The following ADGRL2 variants were observed in gnomAD, a reference collection of about 807,000 sequenced individuals.
ADGRL2 encodes the protein adhesion G protein-coupled receptor L2.
ADGRL2 carries 44 observed loss-of-function variants against 157.4 expected under a neutral mutation model. That is an observed-to-expected ratio of 0.28 (90% confidence interval 0.22 to 0.36). The LOEUF is 0.36. Ranked by LOEUF, ADGRL2 falls within the 10% of genes least tolerant of loss-of-function variation. The pLI is 1.00. For synonymous variants in ADGRL2, 585 were observed against 624.7 expected, an observed-to-expected ratio of 0.94 and a Z score of 0.95; for missense variants, 1,510 against 1,768.9, an observed-to-expected ratio of 0.85 and a Z score of 2.63.
At position 81,722,798 on chromosome 1, in the gene ADGRL2, C is replaced by A. The variant is rs2084378561; in HGVS notation, c.-143+22990C>A. The A allele has an allele frequency of 2.2e-5, 16 of 731,192 alleles. 2 individuals are homozygous for A. In the South Asian group the frequency reaches 2.3e-4, roughly 11 times the overall value. 45.3% of individuals were successfully genotyped at this position (731,192 alleles called of 1,614,324 possible). A position where few individuals can be genotyped will look rare whatever the true frequency, so the allele number is the denominator to read the frequency against. On this transcript the variant is annotated intron_variant, in intron 1 of 20. Transcript: ENST00000359929. The stretch of plus-strand genomic sequence containing the variant: ...GCCCGGAGGGAGGAAGAAGCCAGAC[C>A]ACAGTCAGAAGCTCACTATGGCTCT...
At chr1:81,311,312 C>G (rs964197898) in intron 1 of ADGRL2, among the ~76,000 whole-genome samples, 3 of 152,134 alleles carry the variant, frequency 2.0e-5, no homozygotes, top group African/African-American at 7.2e-5. Context: ...AAAAATTAAT[C>G]AAGTGCCCTT....
At chr1:81,724,642 A>G (rs924668720) in intron 1 of ADGRL2, among the ~76,000 whole-genome samples, 4 of 152,166 alleles carry the variant, frequency 2.6e-5, no homozygotes, top group African/African-American at 9.7e-5. Context: ...TGACATTGCT[A>G]TGTTTCTAAC....
intron 2 of ADGRL2, among the ~76,000 whole-genome samples, chr1:81,871,585 C>T (rs1246114015): frequency 6.6e-6 from 1 of 152,156 alleles, no homozygotes. Flanking sequence ...TCCACATCCT[C>T]TCCAGCACCT....
intron 1 of ADGRL2, among the ~76,000 whole-genome samples, chr1:81,393,819 T>G (rs1570828827): frequency 4.5e-4 from 1 of 2,218 alleles, no homozygotes. Flanking sequence ...ATTGCCTTGC[T>G]TTTTTTTTTT....
At chr1:81,980,460 T>C (rs1053934970) in intron 18 of ADGRL2, among the ~76,000 whole-genome samples, 1 of 151,736 alleles carries the variant, frequency 6.6e-6, no homozygotes, top group African/African-American at 2.4e-5. Flanking sequence ...ATTCTGTCAA[T>C]GGAGAAAATG....
intron 3 of ADGRL2, among the ~76,000 whole-genome samples, chr1:81,930,223 A>G (rs2095199412): frequency 6.6e-6 from 1 of 152,196 alleles, no homozygotes. Context: ...GAACATATTA[A>G]TAGTTTGTTT....
chr1:81,315,821 C>T (rs1488911221), intron 1 of ADGRL2, among the ~76,000 whole-genome samples: 1 of 151,628 alleles, frequency 6.6e-6, no homozygotes, highest in Non-Finnish European at 1.5e-5. Context: ...CTGAAAGTAA[C>T]TTGAATAAAT....
At chr1:81,408,153 G>A (rs4650540) in intron 1 of ADGRL2, among the ~76,000 whole-genome samples, 1 of 151,912 alleles carries the variant, frequency 6.6e-6, no homozygotes, top group Non-Finnish European at 1.5e-5. Context: ...AAGCATTAGG[G>A]ATAGCTTGCT....
intron 2 of ADGRL2, among the ~76,000 whole-genome samples, chr1:81,465,581 A>T (rs1249752970): frequency 6.6e-6 from 1 of 152,074 alleles, no homozygotes; most frequent in Non-Finnish European, 1.5e-5. Flanking sequence ...TCATAGTACA[A>T]AGTAATATTA....
chr1:81,943,493 A>G lies in ADGRL2; in HGVS notation c.934A>G (p.Lys312Glu). ...FEATWETVYD[K>E]RAASNAFMIC... is the part of the protein sequence containing the mutation. ...AGCAACGTGGGAGACTGTATACGAC[A>G]AACGTGCCGCATCAAATGCTTTTAT... The change falls in exon 6 of 24, where the codon AAA becomes GAA. Residue 312 changes from lysine to glutamate, a missense_variant. Physicochemically the swap from Lys to Glu is moderately conservative, Grantham distance 56 (BLOSUM62 1). Coordinates refer to ENST00000686636, the MANE Select transcript of ADGRL2 (RefSeq NM_001366006.2). This position sits in a 1 kb window ranked among gnomAD's most constrained non-coding sequence, Gnocchi z 5.6. 1 of 1,613,778 alleles carries G rather than the reference A, an allele frequency of 6.2e-7. No homozygotes were observed. The highest frequency in any genetic ancestry group is 8.5e-7 in the Non-Finnish European group (1 of 1,179,776).
At chr1:81,681,798 T>A (rs771053707) in intron 3 of ADGRL2, among the ~76,000 whole-genome samples, 12 of 152,322 alleles carry the variant, frequency 7.9e-5, no homozygotes, top group Non-Finnish European at 1.5e-4. Context: ...CTTGTTTTTT[T>A]ATAAAATGGA....
chr1:81,434,411 G>T (rs116684850), intron 1 of ADGRL2, among the ~76,000 whole-genome samples: 5 of 150,554 alleles, frequency 3.3e-5, no homozygotes, highest in Admixed American at 1.3e-4. Flanking sequence ...TTTGTCTCTC[G>T]GTATGTGTTT....
At chr1:81,363,614 A>C (rs1251117110) in intron 1 of ADGRL2, among the ~76,000 whole-genome samples, 3 of 152,102 alleles carry the variant, frequency 2.0e-5, no homozygotes, top group Non-Finnish European at 4.4e-5. Context: ...CTAACCATCA[A>C]ATAAATGACA....
intron 1 of ADGRL2, among the ~76,000 whole-genome samples, chr1:81,419,605 T>C (rs991851148): frequency 2.0e-5 from 3 of 152,178 alleles, no homozygotes; most frequent in Non-Finnish European, 4.4e-5. Context: ...CCAAGCATCA[T>C]CAAACTTTGG....
At chr1:81,376,168 T>C (rs907135453) in intron 1 of ADGRL2, among the ~76,000 whole-genome samples, 1 of 152,218 alleles carries the variant, frequency 6.6e-6, no homozygotes, top group African/African-American at 2.4e-5. Flanking sequence ...GAAAAAAATC[T>C]TATTTGTTCA....
At chr1:81,478,160 G>A (rs954560464) in intron 2 of ADGRL2, among the ~76,000 whole-genome samples, 1 of 152,140 alleles carries the variant, frequency 6.6e-6, no homozygotes, top group Non-Finnish European at 1.5e-5. Context: ...CCTTGGGGGA[G>A]TCGGTAAATA....
chr1:81,903,599 A>G (rs1370459596), intron 2 of ADGRL2, among the ~76,000 whole-genome samples: 4 of 151,646 alleles, frequency 2.6e-5, no homozygotes, highest in Admixed American at 2.0e-4. Flanking sequence ...TGTTGAACAT[A>G]AAACAAAGTG....
chr1:81,513,185 A>G (rs1419565918), intron 2 of ADGRL2, among the ~76,000 whole-genome samples: 1 of 152,078 alleles, frequency 6.6e-6, no homozygotes, highest in East Asian at 1.9e-4. Context: ...TCATTTTCTA[A>G]TTATCCCTCA....
intron 1 of ADGRL2, among the ~76,000 whole-genome samples, chr1:81,747,160 TATGTGTGTATATATAC>T (rs1418702151): frequency 6.8e-6 from 1 of 146,728 alleles, no homozygotes; most frequent in Non-Finnish European, 1.5e-5. Flanking sequence ...CGTATATATG[TATGTGTGTATATATAC>T]ATATATGTAT....
Sources: gnomAD v4.1 joint callset for allele counts (sites outside exome capture counted in the v4.1 genomes callset) on GRCh38, gnomAD v4.1.1 for gene constraint, Gnocchi (gnomAD v3.1) non-coding constraint, MANE v1.5 for transcripts, NCBI Gene and HGNC (gene_info 2026-07-23, HGNC 2026-07-21) for gene names.